The following SKAP1 variants were observed in gnomAD, a reference collection of about 807,000 sequenced individuals.
The protein encoded by SKAP1 is src kinase associated phosphoprotein 1.
A neutral mutation model predicts 58.5 loss-of-function variants in SKAP1; 44 were observed. The observed-to-expected ratio is 0.75, with a 90% confidence interval of 0.59 to 0.97. The LOEUF (loss-of-function observed/expected upper bound fraction) is 0.97. Among genes scored for constraint, SKAP1 ranks in the 50% least tolerant of loss-of-function variants. The pLI is 0.00. For missense variants in SKAP1, 390 were observed against 435.2 expected (o/e 0.90, Z 0.92); for synonymous variants, 127 against 149.7 (o/e 0.85, Z 1.11).
intron 11 of SKAP1, among the ~76,000 whole-genome samples, chr17:48,144,475 C>T (rs547040553): frequency 3.3e-5 from 5 of 152,272 alleles, no homozygotes; most frequent in African/African-American, 1.2e-4. Flanking sequence ...CACCACCAAA[C>T]GTTTATTTCA....
At chr17:48,137,069 C>A (rs1418863582) in intron 12 of SKAP1, 160 bp downstream of exon 12, 2 of 538,052 alleles carry the variant, frequency 3.7e-6, no homozygotes, top group Non-Finnish European at 6.7e-6. Flanking sequence ...AAAAACAATT[C>A]CAGAGGCATT....
chr17:48,386,600 T>C (rs2067279798), intron 2 of SKAP1, among the ~76,000 whole-genome samples: 1 of 152,182 alleles, frequency 6.6e-6, no homozygotes, highest in Non-Finnish European at 1.5e-5. Flanking sequence ...ATCTAAAGAC[T>C]AGCGAAAGCA....
chr17:48,396,719 C>T lies in SKAP1; in HGVS notation c.113G>A (p.Arg38Lys). Residue 38 changes from arginine (R) to lysine (K), a missense_variant, in exon 2 of 13, where the codon AGA becomes AAA. By Grantham distance (26) the Arg-to-Lys change is conservative. Coordinates refer to ENST00000336915, the MANE Select transcript of SKAP1 (RefSeq NM_003726.4). ...CTGAAAGCCCCGTAGAATATGGTCT[C>T]TGTGATCCCTTGCAACAGCGCTGAG... ...ENLSAVARDH[R>K]DHILRGFQQI... 3 of 1,613,590 alleles carry T rather than the reference C, an allele frequency of 1.9e-6. No homozygotes were observed. Among genetic ancestry groups the T allele is most frequent in the Admixed American group, 1.7e-5 (1 of 59,992 alleles).
intron 2 of SKAP1, among the ~76,000 whole-genome samples, chr17:48,377,570 C>A (rs2067165999): frequency 7.2e-6 from 1 of 138,100 alleles, no homozygotes. Flanking sequence ...AGAGCAAGAC[C>A]CTGTCTCAAA....
At chr17:48,324,872 T>C (rs548322831) in intron 4 of SKAP1, among the ~76,000 whole-genome samples, 1 of 152,166 alleles carries the variant, frequency 6.6e-6, no homozygotes, top group East Asian at 1.9e-4. Context: ...CTCCCTATAC[T>C]TTTACCAAAC....
At chr17:48,413,523 A>AAAAAAAAAAAAAAAAAAAAAAT in intron 1 of SKAP1, among the ~76,000 whole-genome samples, 2 of 105,454 alleles carry the variant, frequency 1.9e-5, no homozygotes, top group African/African-American at 8.6e-5. Context: ...TCAAAAAAAA[A>AAAAAAAAAAAAAAAAAAAAAAT]ATATATATAT....
At position 48,314,495 on chromosome 17, in the gene SKAP1, T is replaced by C. The variant is rs551869850; in HGVS notation, c.280+31410A>G. On this transcript the variant is annotated intron_variant, in intron 4 of 12. Transcript: ENST00000336915. ...TATTATCAGCAATTAATTTTAATTA[T>C]ACTTTGAAACCAAAGGCCTCAGCAA... Among the ~76,000 whole-genome samples the C allele has an allele frequency of 5.3e-5, 8 of 152,270 alleles. No individual in the cohort carries two copies. In the South Asian group the frequency reaches 1.5e-3, roughly 28 times the overall value.
At chr17:48,254,577 T>C (rs1411621411) in intron 4 of SKAP1, among the ~76,000 whole-genome samples, 2 of 151,690 alleles carry the variant, frequency 1.3e-5, no homozygotes, top group African/African-American at 4.8e-5. Context: ...ATTATAGCCA[T>C]GTTATTTTAG....
intron 4 of SKAP1, among the ~76,000 whole-genome samples, chr17:48,340,644 A>C (rs920905956): frequency 6.6e-6 from 1 of 152,150 alleles, no homozygotes; most frequent in Non-Finnish European, 1.5e-5. Flanking sequence ...TGAAGTCAAT[A>C]ATAAAAGAGT....
intron 4 of SKAP1, among the ~76,000 whole-genome samples, chr17:48,193,017 T>G (rs943092124): frequency 5.9e-5 from 9 of 152,164 alleles, no homozygotes; most frequent in African/African-American, 2.2e-4. Context: ...TTGTGTATAG[T>G]CAGTAAGATG....
chr17:48,361,560 A>C (rs1224090935), intron 3 of SKAP1, among the ~76,000 whole-genome samples: 1 of 152,206 alleles, frequency 6.6e-6, no homozygotes, highest in Non-Finnish European at 1.5e-5. Context: ...CAAATAATGG[A>C]TCTTTTATAA....
At chr17:48,182,192 G>A (rs904403934) in intron 8 of SKAP1, among the ~76,000 whole-genome samples, 1 of 152,130 alleles carries the variant, frequency 6.6e-6, no homozygotes, top group African/African-American at 2.4e-5. Context: ...TGATACCAGA[G>A]GTCCTCCCAA....
At chr17:48,144,772 A>G (rs1044384576) in intron 11 of SKAP1, among the ~76,000 whole-genome samples, 2 of 152,180 alleles carry the variant, frequency 1.3e-5, no homozygotes, top group East Asian at 3.8e-4. Flanking sequence ...AATTTCTGGG[A>G]TCAATGTTTT....
intron 4 of SKAP1, among the ~76,000 whole-genome samples, chr17:48,326,902 T>C (rs2066444816): frequency 6.7e-6 from 1 of 149,920 alleles, no homozygotes; most frequent in Non-Finnish European, 1.5e-5. Context: ...TTTTTTTTTT[T>C]TTTTTTTGAG....
chr17:48,285,075 A>G (rs888953561), intron 4 of SKAP1, among the ~76,000 whole-genome samples: 1 of 152,162 alleles, frequency 6.6e-6, no homozygotes, highest in African/African-American at 2.4e-5. Flanking sequence ...GCCATGTTTT[A>G]TGATTTTGGT....
chr17:48,203,125 T>C (rs2064749976), intron 4 of SKAP1, among the ~76,000 whole-genome samples: 1 of 152,222 alleles, frequency 6.6e-6, no homozygotes, highest in African/African-American at 2.4e-5. Flanking sequence ...AACATTAAAG[T>C]TAATGCATCA....
intron 4 of SKAP1, among the ~76,000 whole-genome samples, chr17:48,282,122 A>C (rs1275817665): frequency 6.6e-6 from 1 of 152,254 alleles, no homozygotes; most frequent in Non-Finnish European, 1.5e-5. Flanking sequence ...ATGTTTACCC[A>C]AAGTTGAACT....
At chr17:48,312,318 GATTT>G (rs1250427588) in intron 4 of SKAP1, among the ~76,000 whole-genome samples, 1 of 152,140 alleles carries the variant, frequency 6.6e-6, no homozygotes, top group Non-Finnish European at 1.5e-5. Context: ...GAATTTTCTT[GATTT>G]GTTTTAAGTA....
intron 4 of SKAP1, among the ~76,000 whole-genome samples, chr17:48,277,818 C>T (rs887611430): frequency 6.6e-6 from 1 of 151,986 alleles, no homozygotes; most frequent in Admixed American, 6.6e-5. Flanking sequence ...TCTTGAATTC[C>T]TGGCCTCAAG....
Sources: allele counts gnomAD v4.1 joint callset (sites outside exome capture counted in the v4.1 genomes callset), GRCh38; gene constraint gnomAD v4.1.1; transcripts MANE v1.5; gene names NCBI Gene and HGNC (gene_info 2026-07-23, HGNC 2026-07-21).